WDR64: variants seen among roughly 807,000 people sequenced by gnomAD.
WDR64 encodes the protein WD repeat-containing protein 64.
Under a neutral mutation model 139.3 loss-of-function variants are expected in WDR64, and 112 were observed. That is an observed-to-expected ratio of 0.80 (90% CI 0.69 to 0.94). The LOEUF (loss-of-function observed/expected upper bound fraction) is 0.94. Among genes scored for constraint, WDR64 ranks in the 40% least tolerant of loss-of-function variants. WDR64 has a pLI of 0.00. For synonymous variants in WDR64, 444 were observed against 437.7 expected, an observed-to-expected ratio of 1.01 and a Z score of -0.18; for missense variants, 1,206 against 1,293.1, an observed-to-expected ratio of 0.93 and a Z score of 1.03.
chr1:241,798,190 TTTA>T (rs1356554017), intron 27 of WDR64, among the ~76,000 whole-genome samples: 3 of 152,218 alleles, frequency 2.0e-5, no homozygotes, highest in African/African-American at 7.2e-5. Flanking sequence ...TGACAAATCC[TTTA>T]TTTTCTCTTA....
At chr1:241,757,607 C>T (rs1440789226) in intron 15 of WDR64, 148 bp downstream of exon 15, 2 of 566,718 alleles carry the variant, frequency 3.5e-6, no homozygotes, top group African/African-American at 3.9e-5. Flanking sequence ...CAAACTTACT[C>T]CTTATTTCCA....
intron 19 of WDR64, among the ~76,000 whole-genome samples, chr1:241,771,943 T>TAC (rs199824360): frequency 2.6e-5 from 1 of 38,504 alleles, no homozygotes. Flanking sequence ...CATACATACA[T>TAC]ACATATATAT....
In WDR64 at chr1:241,675,123, C is replaced by CCTTCCTTCCTCCCTCCCTT. The variant is rs1427164669; in HGVS notation, c.483+381_483+382insTTCCTCCCTCCCTTCTTCC. ...CTCCCTCCTTCCTTCCTCCCTCCCT[C>CCTTCCTTCCTCCCTCCCTT]CTTCCCTCCTTCCCTCCCTTCTTCC... On this transcript the variant is annotated intron_variant, in intron 4 of 27. Transcript: ENST00000437684. 9.4e-3 allele frequency among the ~76,000 whole-genome samples: 162 copies of CCTTCCTTCCTCCCTCCCTT among 17,294 alleles called. 54 individuals carry two copies. The highest frequency in any genetic ancestry group is 0.021 in the African/African-American group (56 of 2,616). 11.3% of individuals were successfully genotyped at this position (17,294 alleles called of 152,430 possible). A position where few individuals can be genotyped will look rare whatever the true frequency, so the allele number is the denominator to read the frequency against.
chr1:241,758,695 C>T (rs886751095), intron 15 of WDR64, among the ~76,000 whole-genome samples: 1 of 152,140 alleles, frequency 6.6e-6, no homozygotes, highest in Admixed American at 6.5e-5. Context: ...TGGTTGGAGC[C>T]TCTTCAGGCT....
At chr1:241,687,197 G>A (rs146019990) in intron 7 of WDR64, among the ~76,000 whole-genome samples, 2,313 of 151,892 alleles carry the variant, frequency 0.015, 64 homozygotes, top group African/African-American at 0.053. Context: ...CCAGTTACTC[G>A]GGAGGCTGAG....
chr1:241,752,934 C>T (rs1236072611), intron 14 of WDR64, among the ~76,000 whole-genome samples: 2 of 152,202 alleles, frequency 1.3e-5, no homozygotes. Flanking sequence ...AGCTATTACT[C>T]AGTGTCAATA....
chr1:241,662,263 C>T (rs1193219050), intron 2 of WDR64, among the ~76,000 whole-genome samples: 1 of 152,054 alleles, frequency 6.6e-6, no homozygotes, highest in African/African-American at 2.4e-5. Context: ...TCACTGGGTC[C>T]CTCTGCTCGG....
At chr1:241,669,278 A>G (rs924914048) in intron 2 of WDR64, among the ~76,000 whole-genome samples, 2 of 152,258 alleles carry the variant, frequency 1.3e-5, no homozygotes, top group African/African-American at 4.8e-5. Context: ...TCCACAGCAC[A>G]TGCTCTTTGC....
At chr1:241,747,085 T>C (rs6662598) in intron 13 of WDR64, among the ~76,000 whole-genome samples, 19,076 of 152,216 alleles carry the variant, frequency 0.13, 4,072 homozygotes, top group African/African-American at 0.44. Context: ...AATAACAAAG[T>C]AAGATGTCTT....
At chr1:241,664,402 T>C (rs1187859102) in intron 2 of WDR64, among the ~76,000 whole-genome samples, 1 of 152,190 alleles carries the variant, frequency 6.6e-6, no homozygotes, top group Non-Finnish European at 1.5e-5. Context: ...ATTATGAACA[T>C]TTGGAAATTA....
chr1:241,775,307 A>G, intron 21 of WDR64, 97 bp downstream of exon 21: 1 of 902,512 alleles, frequency 1.1e-6, no homozygotes, highest in Admixed American at 2.5e-5. Context: ...ATGGTGAAAC[A>G]AAAGAGAGAC....
chr1:241,660,554 A>G lies in WDR64; in HGVS notation c.170A>G (p.Tyr57Cys). The change falls in exon 2 of 28, where the codon TAT (tyrosine) becomes TGT (cysteine). Residue 57 changes from tyrosine to cysteine, a missense_variant. Tyr to Cys is a radical substitution (Grantham distance 194, BLOSUM62 -2). Transcript: ENST00000437684. ...KEDAIGYDKFYASVQKLFGPD... is the reference protein window; with the variant it reads ...KEDAIGYDKFCASVQKLFGPD... ...GATGCAATTGGTTATGACAAGTTTTATGCATCGGTACAGAAGCTCTTTGGT... is the reference window on the plus strand; with the variant it reads ...GATGCAATTGGTTATGACAAGTTTTGTGCATCGGTACAGAAGCTCTTTGGT... 1.3e-6 allele frequency: 2 copies of G among 1,551,800 alleles called. No homozygotes were observed. The highest frequency in any genetic ancestry group is 2.4e-5 in the South Asian group (2 of 84,042).
intron 6 of WDR64, among the ~76,000 whole-genome samples, chr1:241,680,881 C>A (rs1447287282): frequency 2.0e-5 from 3 of 152,154 alleles, no homozygotes; most frequent in African/African-American, 7.2e-5. Context: ...CAGGCTTCTC[C>A]CTCTAGTAGA....
chr1:241,757,557 A>G, intron 15 of WDR64, 98 bp downstream of exon 15: 1 of 1,121,828 alleles, frequency 8.9e-7, no homozygotes, highest in South Asian at 1.9e-5. Flanking sequence ...AAGAGCTTCT[A>G]TGTGTTATCA....
chr1:241,762,672 C>A (rs114089278), intron 15 of WDR64, among the ~76,000 whole-genome samples: 2,077 of 151,478 alleles, frequency 0.014, 46 homozygotes, highest in African/African-American at 0.048. Context: ...ACAGCAGGAG[C>A]AATTGAGAAA....
intron 14 of WDR64, among the ~76,000 whole-genome samples, chr1:241,752,718 T>TCA (rs1197652596): frequency 6.6e-6 from 1 of 152,060 alleles, no homozygotes; most frequent in Non-Finnish European, 1.5e-5. Context: ...AGGCATGGTG[T>TCA]CACACACCTG....
chr1:241,683,523 C>T lies in WDR64; in HGVS notation c.661C>T (p.Leu221Phe). 1 of 1,551,600 alleles carries T rather than the reference C, an allele frequency of 6.4e-7. No individual in the cohort carries two copies. Among genetic ancestry groups the T allele is most frequent in the East Asian group, 2.4e-5 (1 of 40,914 alleles). The change falls in exon 7 of 28, where the codon CTC becomes TTC. Residue 221 changes from leucine to phenylalanine, a missense_variant. Coordinates refer to ENST00000437684, the MANE Select transcript of WDR64 (RefSeq NM_001367482.1). ...YFVIKPMDHC[L>F]LCVCVVPLPD... ...TGTCATAAAACCAATGGATCACTGC[C>T]TCCTGTGTGTGTGTGTGGTGCCTTT...
In WDR64 at chr1:241,652,543, A is replaced by C. The variant is rs749607603; in HGVS notation, c.59A>C (p.Lys20Thr). ...NMALQMSNFKKALNRFEKLVE... is the reference protein window; with the variant it reads ...NMALQMSNFKTALNRFEKLVE... ...GCACTTCAGATGAGCAATTTCAAAA[A>C]GGCTTTGAACAGGTTTGAAAAATTG... Residue 20 changes from lysine (K) to threonine (T), a missense_variant, in exon 1 of 28, where the codon AAG becomes ACG. Physicochemically the swap from Lys to Thr is moderately conservative, Grantham distance 78. Coordinates refer to ENST00000437684, the MANE Select transcript of WDR64 (RefSeq NM_001367482.1). The C allele has an allele frequency of 9.0e-6, 14 of 1,552,138 alleles. No individual in the cohort carries two copies. Among genetic ancestry groups the C allele is most frequent in the African/African-American group, 1.4e-5 (1 of 73,072 alleles).
At chr1:241,697,564 G>A (rs1193825576) in intron 8 of WDR64, among the ~76,000 whole-genome samples, 1 of 152,134 alleles carries the variant, frequency 6.6e-6, no homozygotes, top group African/African-American at 2.4e-5. Context: ...GGAACTACAG[G>A]CAGGAGCCAC....
Sources: allele counts gnomAD v4.1 joint callset (sites outside exome capture counted in the v4.1 genomes callset), GRCh38; gene constraint gnomAD v4.1.1; transcripts MANE v1.5; gene names NCBI Gene and HGNC (gene_info 2026-07-23, HGNC 2026-07-21).